Variants in ZNF341 observed in about 807,000 individuals in gnomAD.
ZNF341 encodes zinc finger protein 341.
A neutral mutation model predicts 87.7 loss-of-function variants in ZNF341; 52 were observed. The observed-to-expected ratio is 0.59, with a 90% CI of 0.47 to 0.75. The LOEUF is 0.75. ZNF341 is among the 30% of genes least tolerant of loss of function. The pLI, the probability that ZNF341 is intolerant of heterozygous loss-of-function variation, is 0.00. For missense variants in ZNF341, 977 were observed against 1,145.9 expected (o/e 0.85, Z 2.13); for synonymous variants, 459 against 472.7 (o/e 0.97, Z 0.38).
At chr20:33,738,024 C>T (rs943243765) in intron 1 of ZNF341, among the ~76,000 whole-genome samples, 1 of 151,730 alleles carries the variant, frequency 6.6e-6, no homozygotes, top group African/African-American at 2.4e-5. Flanking sequence ...ATAATCCCAG[C>T]TACTCGGGAG....
At chr20:33,779,795 C>T (rs1262164769) in intron 10 of ZNF341, among the ~76,000 whole-genome samples, 1 of 152,084 alleles carries the variant, frequency 6.6e-6, no homozygotes, top group Non-Finnish European at 1.5e-5. Context: ...CTGTTTGGGA[C>T]TCACACCCCA....
chr20:33,744,872 A>T (rs1035878222), intron 2 of ZNF341, among the ~76,000 whole-genome samples: 2 of 152,112 alleles, frequency 1.3e-5, no homozygotes, highest in African/African-American at 4.8e-5. Context: ...GATTACAGGC[A>T]TGAGCCACTG....
chr20:33,744,662 G>A (rs1416747017), intron 2 of ZNF341, among the ~76,000 whole-genome samples: 6 of 152,246 alleles, frequency 3.9e-5, no homozygotes, highest in Middle Eastern at 6.8e-3. Flanking sequence ...CACGATCTGG[G>A]CTCACTGCAA....
chr20:33,741,359 C>T, intron 2 of ZNF341, among the ~76,000 whole-genome samples: 1 of 151,602 alleles, frequency 6.6e-6, no homozygotes, highest in East Asian at 1.9e-4. Context: ...GCATGAATTG[C>T]TCCTGTTTAC....
intron 10 of ZNF341, among the ~76,000 whole-genome samples, chr20:33,779,682 C>G (rs1422874883): frequency 6.6e-6 from 1 of 152,090 alleles, no homozygotes; most frequent in Non-Finnish European, 1.5e-5. Flanking sequence ...AACTCCTGAC[C>G]TCAGGTGATC....
At chr20:33,764,562 T>TATATA (rs1491532951) in intron 8 of ZNF341, among the ~76,000 whole-genome samples, 2 of 40,366 alleles carry the variant, frequency 5.0e-5, no homozygotes, top group African/African-American at 1.5e-4. Flanking sequence ...TATATATATA[T>TATATA]TTTTTTTTTT....
In ZNF341 at chr20:33,749,022, G is replaced by A. The variant is rs1022402557; in HGVS notation, c.439G>A (p.Ala147Thr). Residue 147 changes from alanine (A) to threonine (T), a missense_variant, in exon 4 of 15, where the codon GCC becomes ACC. Physicochemically the swap from Ala to Thr is moderately conservative, Grantham distance 58. Coordinates refer to ENST00000375200, the MANE Select transcript of ZNF341 (RefSeq NM_001282933.2). ...SDDVLMSAMS[A>T]FTSLDQPMPQ... Reference sequence around the variant, plus strand: ...TGATGTGCTCATGTCTGCCATGTCAGCCTTCACATCCCTGGACCAGCCCAT... The same window carrying A: ...TGATGTGCTCATGTCTGCCATGTCAACCTTCACATCCCTGGACCAGCCCAT... 1.2e-6 allele frequency: 2 copies of A among 1,614,192 alleles called. No individual in the cohort carries two copies. The highest frequency in any genetic ancestry group is 8.5e-7 in the Non-Finnish European group (1 of 1,180,030).
In ZNF341 at chr20:33,788,906, C is replaced by A; in HGVS notation, c.1896C>A (p.Asn632Lys). The A allele has an allele frequency of 6.2e-7, 1 of 1,614,058 alleles. No individual in the cohort carries two copies. The highest frequency in any genetic ancestry group is 8.5e-7 in the Non-Finnish European group (1 of 1,180,000). Residue 632 changes from asparagine (N) to lysine (K), a missense_variant, in exon 13 of 15, where the codon AAC (asparagine) becomes AAA (lysine). Asn to Lys is a moderately conservative substitution (Grantham distance 94, BLOSUM62 0). Coordinates refer to ENST00000375200, the MANE Select transcript of ZNF341 (RefSeq NM_001282933.2). ...YKCSVCESAF[N>K]RKDKLKRHML... is the part of the protein sequence containing the mutation. ...GCTCAGTGTGCGAGTCTGCGTTCAACCGCAAGGACAAACTGAAGAGACACA... is the reference window on the plus strand; with the variant it reads ...GCTCAGTGTGCGAGTCTGCGTTCAAACGCAAGGACAAACTGAAGAGACACA...
chr20:33,777,382 C>T lies in ZNF341; in HGVS notation c.1623-3909C>T, dbSNP rs1384495783. On this transcript the variant is annotated intron_variant, in intron 10 of 14. Coordinates refer to ENST00000375200, the MANE Select transcript of ZNF341 (RefSeq NM_001282933.2). ...AGGTGCGGTGGCTCACACCTGTAAT[C>T]CCAACACTTTGGGAGGCTGAGGTGG... Among the ~76,000 whole-genome samples, 5 of 147,800 alleles carry T rather than the reference C, an allele frequency of 3.4e-5. 1 individual carries two copies. The highest frequency in any genetic ancestry group is 5.9e-5 in the Non-Finnish European group (4 of 67,440).
At chr20:33,742,304 C>G (rs749702618) in intron 2 of ZNF341, among the ~76,000 whole-genome samples, 3 of 152,166 alleles carry the variant, frequency 2.0e-5, no homozygotes, top group Non-Finnish European at 4.4e-5. Flanking sequence ...TCAAGCAATC[C>G]TCCTGCCTCA....
chr20:33,757,081 T>G, intron 5 of ZNF341, 67 bp from the exon 6 acceptor site: 2 of 1,277,112 alleles, frequency 1.6e-6, no homozygotes, highest in East Asian at 2.8e-5. Flanking sequence ...GCAGGGAGAG[T>G]GCCCCTGGCT....
At chr20:33,783,095 A>C (rs576843720) in intron 11 of ZNF341, among the ~76,000 whole-genome samples, 2 of 152,294 alleles carry the variant, frequency 1.3e-5, no homozygotes, top group African/African-American at 2.4e-5. Flanking sequence ...CAGAGGTTGC[A>C]GTGAGCCAAG....
At chr20:33,774,153 G>A (rs1051902702) in intron 10 of ZNF341, among the ~76,000 whole-genome samples, 3 of 150,496 alleles carry the variant, frequency 2.0e-5, no homozygotes, top group Non-Finnish European at 3.0e-5. Context: ...TTAGCTGGGT[G>A]TGGTGGCACA....
intron 8 of ZNF341, among the ~76,000 whole-genome samples, chr20:33,766,502 T>A (rs2019409603): frequency 6.6e-6 from 1 of 152,074 alleles, no homozygotes; most frequent in South Asian, 2.1e-4. Flanking sequence ...GCCAGATGAT[T>A]ACAATTAGAA....
intron 10 of ZNF341, among the ~76,000 whole-genome samples, chr20:33,772,344 T>C (rs1013455889): frequency 1.3e-5 from 2 of 152,170 alleles, no homozygotes; most frequent in Non-Finnish European, 2.9e-5. Flanking sequence ...CCCATTACAG[T>C]GGTTTTTGCT....
intron 9 of ZNF341, among the ~76,000 whole-genome samples, chr20:33,768,541 G>C (rs1333347838): frequency 6.6e-6 from 1 of 151,922 alleles, no homozygotes; most frequent in Non-Finnish European, 1.5e-5. Context: ...TCCTGCCTCA[G>C]CCTCTTGAGT....
At position 33,745,247 on chromosome 20, in the gene ZNF341, C is replaced by T; in HGVS notation, c.287C>T (p.Pro96Leu). Residue 96 changes from proline to leucine, a missense_variant, in exon 3 of 15, where the codon CCT becomes CTT. Physicochemically the swap from Pro to Leu is moderately conservative, Grantham distance 98. Around this residue, in one of 3 missense-constraint regions of ZNF341, gnomAD observed 515 missense variants for 598.2 expected, o/e 0.86. Coordinates refer to ENST00000375200, the MANE Select transcript of ZNF341 (RefSeq NM_001282933.2). ...VSLATNSIYP[P>L]SAAPTAVQQA... is the part of the protein sequence containing the mutation. ...CTGGCCACCAACAGCATCTACCCAC[C>T]TTCGGCAGCACCCACAGCGGTCCAG... is the stretch of plus-strand genomic sequence containing the variant. 2 of 1,614,238 alleles carry T rather than the reference C, an allele frequency of 1.2e-6. No individual in the cohort carries two copies. Among genetic ancestry groups the T allele is most frequent in the South Asian group, 1.1e-5 (1 of 91,086 alleles).
chr20:33,791,206 G>GC lies in ZNF341; in HGVS notation c.2260dup (p.Arg754ProfsTer16), dbSNP rs771853086. On this transcript the variant is annotated frameshift_variant, in exon 15 of 15. Coordinates refer to ENST00000375200, the MANE Select transcript of ZNF341 (RefSeq NM_001282933.2). LOFTEE classifies it high-confidence loss of function. ...CCGGCGGCCCCCCCAGAGGAGGGCAGCCCCCCGCAGTTGCGGCAGTGGTGG... is the reference window on the plus strand; with the variant it reads ...CCGGCGGCCCCCCCAGAGGAGGGCAGCCCCCCCGCAGTTGCGGCAGTGGTGG... The GC allele has an allele frequency of 1.2e-6, 2 of 1,612,466 alleles. No individual in the cohort carries two copies. Among genetic ancestry groups the GC allele is most frequent in the Non-Finnish European group, 8.5e-7 (1 of 1,179,638 alleles).
intron 10 of ZNF341, among the ~76,000 whole-genome samples, chr20:33,777,368 C>T (rs1393735879): frequency 6.9e-6 from 1 of 144,972 alleles, no homozygotes; most frequent in Non-Finnish European, 1.5e-5. Context: ...GGTGCGGTGG[C>T]TCACACCTGT....
Sources: gnomAD v4.1 joint callset for allele counts (sites outside exome capture counted in the v4.1 genomes callset) on GRCh38, gnomAD v4.1.1 for gene constraint, gnomAD v4.1.1 regional missense constraint, MANE v1.5 for transcripts, NCBI Gene and HGNC (gene_info 2026-07-23, HGNC 2026-07-21) for gene names.